KATNBL1: variants seen among roughly 807,000 people sequenced by gnomAD.
KATNBL1 encodes katanin regulatory subunit B1 like 1, also known as KATNB1-like protein 1.
Under a neutral mutation model 44.7 loss-of-function variants are expected in KATNBL1, and 28 were observed. The observed-to-expected ratio is 0.63, with a 90% CI of 0.46 to 0.86. KATNBL1 has a LOEUF of 0.86. Ranked by LOEUF, KATNBL1 falls within the 40% of genes least tolerant of loss-of-function variation. The pLI is 0.00. For missense variants in KATNBL1, 272 were observed against 350.7 expected (o/e 0.78, Z 1.79); for synonymous variants, 78 against 114.9 (o/e 0.68, Z 2.06).
intron 1 of KATNBL1, among the ~76,000 whole-genome samples, chr15:34,165,607 T>A (rs1314111528): frequency 1.3e-5 from 2 of 151,984 alleles, no homozygotes; most frequent in African/African-American, 4.8e-5. Flanking sequence ...GACTAGCCTG[T>A]CAAACATGGT....
chr15:34,146,336 A>G (rs546973636), intron 8 of KATNBL1: 1 of 153,576 alleles, frequency 6.5e-6, no homozygotes, highest in South Asian at 2.0e-4. Flanking sequence ...AATACCCACG[A>G]ATTTTCACAT....
chr15:34,203,773 C>T (rs1315428454), intron 1 of KATNBL1, among the ~76,000 whole-genome samples: 4 of 152,018 alleles, frequency 2.6e-5, no homozygotes, highest in African/African-American at 7.3e-5. Flanking sequence ...CTGCAACTAA[C>T]TCAAGGACAG....
At chr15:34,199,989 T>C (rs1595366734) in intron 1 of KATNBL1, 1 of 152,358 alleles carries the variant, frequency 6.6e-6, no homozygotes, top group East Asian at 1.9e-4. Flanking sequence ...TGGTCCACTT[T>C]ACAGAGTGCT....
intron 1 of KATNBL1, among the ~76,000 whole-genome samples, chr15:34,168,170 C>T (rs141700757): frequency 0.012 from 1,779 of 152,174 alleles, 39 homozygotes; most frequent in African/African-American, 0.041. Context: ...CAAGACCTAT[C>T]GGTGTGCTGT....
intron 1 of KATNBL1, among the ~76,000 whole-genome samples, chr15:34,167,124 G>A (rs549745155): frequency 6.6e-6 from 1 of 152,180 alleles, no homozygotes; most frequent in Non-Finnish European, 1.5e-5. Flanking sequence ...TTAGGCTTCA[G>A]AAGGTCGGTA....
At chr15:34,174,799 AC>A (rs142968219) in intron 1 of KATNBL1, among the ~76,000 whole-genome samples, 1,766 of 151,952 alleles carry the variant, frequency 0.012, 38 homozygotes, top group African/African-American at 0.041. Flanking sequence ...CTGCCATCAC[AC>A]CCAGCTAATT....
At chr15:34,168,517 T>C (rs1273236500) in intron 1 of KATNBL1, among the ~76,000 whole-genome samples, 2 of 152,042 alleles carry the variant, frequency 1.3e-5, no homozygotes, top group African/African-American at 4.8e-5. Context: ...ACTGTCAATA[T>C]TAGACAGATC....
chr15:34,193,253 G>A (rs549633396), intron 1 of KATNBL1, among the ~76,000 whole-genome samples: 1 of 137,128 alleles, frequency 7.3e-6, no homozygotes, highest in Non-Finnish European at 1.6e-5. Flanking sequence ...AAAACTTAAG[G>A]CCAGATGCAG....
chr15:34,143,238 G>C (rs547219449), intron 9 of KATNBL1, among the ~76,000 whole-genome samples: 1,840 of 151,988 alleles, frequency 0.012, 14 homozygotes, highest in Middle Eastern at 0.044. Context: ...ACTTTGGGAG[G>C]GGGAGGTGGG....
rs1450586800 is a variant in KATNBL1, at chr15:34,173,259, G to A, written c.-14-9569C>T. On this transcript the variant is annotated intron_variant, in intron 1 of 9. Coordinates refer to ENST00000256544, the MANE Select transcript of KATNBL1 (RefSeq NM_024713.3). ...GTTGAAGGACATAAATTTCTAGATG[G>A]AAAGTGTATCATAATGGATGAAAAC... 3.9e-5 allele frequency among the ~76,000 whole-genome samples: 6 copies of A among 152,150 alleles called. No individual in the cohort carries two copies. The East Asian group carries it at 1.2e-3, about 29-fold the overall frequency.
At chr15:34,160,537 T>C (rs1888767834) in intron 2 of KATNBL1, among the ~76,000 whole-genome samples, 1 of 152,226 alleles carries the variant, frequency 6.6e-6, no homozygotes, top group Non-Finnish European at 1.5e-5. Flanking sequence ...TTAGGAATTT[T>C]ACAGGTCTTT....
intron 1 of KATNBL1, among the ~76,000 whole-genome samples, chr15:34,193,216 C>CAAAAAAAAAAAAA (rs34216208): frequency 3.2e-4 from 21 of 66,318 alleles, no homozygotes; most frequent in African/African-American, 4.9e-4. Context: ...GACTCCGTCT[C>CAAAAAAAAAAAAA]AAAAAAAAAA....
At chr15:34,176,048 G>A (rs1290068780) in intron 1 of KATNBL1, among the ~76,000 whole-genome samples, 1 of 152,130 alleles carries the variant, frequency 6.6e-6, no homozygotes, top group African/African-American at 2.4e-5. Context: ...ACGAAATGTG[G>A]TGTATCTGTA....
intron 1 of KATNBL1, among the ~76,000 whole-genome samples, chr15:34,201,656 A>G (rs1202461098): frequency 2.0e-5 from 3 of 152,186 alleles, no homozygotes; most frequent in Non-Finnish European, 4.4e-5. Context: ...CCAAATTCCA[A>G]TTTACTTTCC....
chr15:34,146,500 A>T (rs1888315938), intron 8 of KATNBL1: 1 of 344,170 alleles, frequency 2.9e-6, no homozygotes, highest in Non-Finnish European at 5.3e-6. Flanking sequence ...TATGAGAATT[A>T]AACCACTATT....
chr15:34,200,136 C>T (rs977387333), intron 1 of KATNBL1, among the ~76,000 whole-genome samples: 1 of 152,156 alleles, frequency 6.6e-6, no homozygotes, highest in African/African-American at 2.4e-5. Context: ...CTCCAAGTCC[C>T]CACCCAACCC....
chr15:34,164,020 G>A (rs113038820), intron 1 of KATNBL1, among the ~76,000 whole-genome samples: 31,377 of 151,980 alleles, frequency 0.21, 4,047 homozygotes, highest in African/African-American at 0.37. Context: ...AGTCTCCCAA[G>A]TAGCTGGGAT....
At chr15:34,183,458 A>C (rs1216089917) in intron 1 of KATNBL1, among the ~76,000 whole-genome samples, 1 of 152,196 alleles carries the variant, frequency 6.6e-6, no homozygotes, top group Non-Finnish European at 1.5e-5. Context: ...TGCAGCTAAA[A>C]AGATTAGGTC....
chr15:34,199,296 G>C (rs541590056), intron 1 of KATNBL1, among the ~76,000 whole-genome samples: 1 of 152,202 alleles, frequency 6.6e-6, no homozygotes, highest in Non-Finnish European at 1.5e-5. Flanking sequence ...AATTAGCCTG[G>C]TGTGGTGGCA....
Sources: allele counts gnomAD v4.1 joint callset (sites outside exome capture counted in the v4.1 genomes callset), GRCh38; gene constraint gnomAD v4.1.1; transcripts MANE v1.5; gene names NCBI Gene and HGNC (gene_info 2026-07-23, HGNC 2026-07-21).